TRABD2B: variants seen among roughly 807,000 people sequenced by gnomAD.
The protein encoded by TRABD2B is TraB domain containing 2B.
Under a neutral mutation model 40.1 loss-of-function variants are expected in TRABD2B, and 14 were observed. The ratio of observed to expected loss-of-function variants is 0.35; its 90% CI spans 0.23 to 0.55. TRABD2B has a LOEUF of 0.55. Among genes scored for constraint, TRABD2B ranks in the 20% least tolerant of loss-of-function variants. TRABD2B has a pLI of 0.90. For missense variants in TRABD2B, 541 were observed against 648.6 expected (o/e 0.83, Z 1.80); for synonymous variants, 263 against 277.0 (o/e 0.95, Z 0.50).
chr1:47,865,419 T>A (rs1025755079), intron 2 of TRABD2B, among the ~76,000 whole-genome samples: 4 of 152,088 alleles, frequency 2.6e-5, no homozygotes, highest in Non-Finnish European at 5.9e-5. Flanking sequence ...CACTGGGATA[T>A]GGGGCCTGCT....
intron 2 of TRABD2B, among the ~76,000 whole-genome samples, chr1:47,915,406 A>C (rs72898150): frequency 0.022 from 3,345 of 152,268 alleles, 61 homozygotes; most frequent in South Asian, 0.06. Context: ...ACTTACACTT[A>C]ACAAGTGTAT....
chr1:47,931,986 C>T (rs570453571), intron 2 of TRABD2B, among the ~76,000 whole-genome samples: 25 of 152,266 alleles, frequency 1.6e-4, no homozygotes, highest in Non-Finnish European at 2.8e-4. Context: ...CAGGACTTAA[C>T]GGAGGGTTTT....
At chr1:47,871,448 C>A (rs771981980) in intron 2 of TRABD2B, among the ~76,000 whole-genome samples, 11 of 152,194 alleles carry the variant, frequency 7.2e-5, no homozygotes, top group Non-Finnish European at 1.0e-4. Flanking sequence ...CCAGCCCCCA[C>A]AGCCACCCCG....
At chr1:47,961,524 C>G (rs1310028705) in intron 2 of TRABD2B, among the ~76,000 whole-genome samples, 1 of 152,118 alleles carries the variant, frequency 6.6e-6, no homozygotes, top group Non-Finnish European at 1.5e-5. Flanking sequence ...AAGAAAAAAT[C>G]AAACAACCCC....
intron 2 of TRABD2B, among the ~76,000 whole-genome samples, chr1:47,830,556 G>A (rs1484192312): frequency 3.9e-5 from 6 of 152,224 alleles, no homozygotes; most frequent in Non-Finnish European, 8.8e-5. Context: ...TCCCTGCTTT[G>A]CACATCTTTG....
rs1240632249 is a variant in TRABD2B, at chr1:47,968,661, G to A, written c.666+25373C>T. 2.0e-5 allele frequency among the ~76,000 whole-genome samples: 3 copies of A among 152,304 alleles called. No homozygotes were observed. The East Asian group carries it at 5.8e-4, about 29-fold the overall frequency. On this transcript the variant is annotated intron_variant, in intron 2 of 6. Transcript: ENST00000606738. ...GCTCCAGCAATGGTTAGGGTTCATA[G>A]GCTGCTCTAACTACATCAAACAAGA...
In TRABD2B at chr1:47,997,050, G is replaced by C; in HGVS notation, c.-261C>G. 1.0e-6 allele frequency: 1 copy of C among 984,872 alleles called. No homozygotes were observed. The highest frequency in any genetic ancestry group is 1.2e-6 in the Non-Finnish European group (1 of 829,760). 61.0% of individuals were successfully genotyped at this position (984,872 alleles called of 1,614,324 possible). A position where few individuals can be genotyped will look rare whatever the true frequency, so the allele number is the denominator to read the frequency against. On this transcript the variant is annotated 5_prime_UTR_variant, in exon 1 of 7. Coordinates refer to ENST00000606738, the MANE Select transcript of TRABD2B (RefSeq NM_001194986.2). The stretch of plus-strand genomic sequence containing the variant: ...TCAACCTCGCTGGCCGAGCCCCCGG[G>C]TGCTGAGGGCGTGTTGGGGTCCGGG...
chr1:47,989,759 CACACACACACACACAA>C (rs1353642726), intron 2 of TRABD2B, among the ~76,000 whole-genome samples: 4 of 151,644 alleles, frequency 2.6e-5, no homozygotes, highest in South Asian at 4.2e-4. Context: ...AACACACACA[CACACACACACACACAA>C]ACACACACAC....
At chr1:47,935,642 T>TTAAA (rs978702456) in intron 2 of TRABD2B, among the ~76,000 whole-genome samples, 71 of 152,320 alleles carry the variant, frequency 4.7e-4, no homozygotes, top group African/African-American at 1.6e-3. Context: ...AAGATAGGAC[T>TTAAA]GCAGGAAAAA....
At chr1:47,859,775 T>C (rs1443377663) in intron 2 of TRABD2B, among the ~76,000 whole-genome samples, 1 of 152,226 alleles carries the variant, frequency 6.6e-6, no homozygotes, top group African/African-American at 2.4e-5. Flanking sequence ...ATGAAGTCCT[T>C]AGCACCTTCC....
At chr1:47,766,755 G>A (rs1644309438) in intron 6 of TRABD2B, among the ~76,000 whole-genome samples, 1 of 152,188 alleles carries the variant, frequency 6.6e-6, no homozygotes, top group Admixed American at 6.5e-5. Flanking sequence ...AGTGGGAGTG[G>A]GACGCCATGA....
chr1:47,841,338 A>G (rs1645393563), intron 2 of TRABD2B, among the ~76,000 whole-genome samples: 1 of 152,208 alleles, frequency 6.6e-6, no homozygotes, highest in African/African-American at 2.4e-5. Flanking sequence ...CACACATACC[A>G]GATGTTGCAG....
In TRABD2B at chr1:47,923,218, C is replaced by T. The variant is rs534212469; in HGVS notation, c.666+70816G>A. ...CCTTGGTCTCAGGCCACGCCCCATG[C>T]CAGTCATTCTTACATGCTCTGTACT... is the stretch of plus-strand genomic sequence containing the variant. On this transcript the variant is annotated intron_variant, in intron 2 of 6. Coordinates refer to ENST00000606738, the MANE Select transcript of TRABD2B (RefSeq NM_001194986.2). Among the ~76,000 whole-genome samples the T allele has an allele frequency of 2.0e-5, 3 of 152,334 alleles. No individual in the cohort carries two copies. In the South Asian group the frequency reaches 6.2e-4, roughly 32 times the overall value.
chr1:47,797,485 C>CCCCT (rs1644763993), intron 3 of TRABD2B, among the ~76,000 whole-genome samples: 1 of 152,168 alleles, frequency 6.6e-6, no homozygotes, highest in Non-Finnish European at 1.5e-5. Flanking sequence ...ACGGGTCCAG[C>CCCCT]CCCTCCTCCT....
chr1:47,993,863 A>C (rs1022609646), intron 2 of TRABD2B, among the ~76,000 whole-genome samples, 171 bp downstream of exon 2: 1 of 152,210 alleles, frequency 6.6e-6, no homozygotes, highest in South Asian at 2.1e-4. Flanking sequence ...CTCTCAACTG[A>C]TACCACCAGA....
At chr1:47,939,918 A>G (rs921543481) in intron 2 of TRABD2B, among the ~76,000 whole-genome samples, 1 of 151,914 alleles carries the variant, frequency 6.6e-6, no homozygotes, top group Non-Finnish European at 1.5e-5. Flanking sequence ...TCCCTCCCAC[A>G]CTGAATCCAG....
chr1:47,995,072 AG>A, intron 1 of TRABD2B, among the ~76,000 whole-genome samples: 1 of 152,300 alleles, frequency 6.6e-6, no homozygotes, highest in South Asian at 2.1e-4. Flanking sequence ...TGGGGAAAGG[AG>A]GACCAAGAGT....
At chr1:47,807,242 GCCTGGAATGATTGAT>G (rs1421088249) in intron 2 of TRABD2B, among the ~76,000 whole-genome samples, 4 of 152,198 alleles carry the variant, frequency 2.6e-5, no homozygotes, top group Non-Finnish European at 5.9e-5. Flanking sequence ...TTACTATGCT[GCCTGGAATGATTGAT>G]CCTGACTACC....
At chr1:47,948,717 G>A (rs1011829802) in intron 2 of TRABD2B, among the ~76,000 whole-genome samples, 5 of 152,118 alleles carry the variant, frequency 3.3e-5, no homozygotes, top group Non-Finnish European at 2.9e-5. Flanking sequence ...CGTCCCAAGT[G>A]ACAAATAAGA....
Sources: gnomAD v4.1 joint callset for allele counts (sites outside exome capture counted in the v4.1 genomes callset) on GRCh38, gnomAD v4.1.1 for gene constraint, MANE v1.5 for transcripts, NCBI Gene and HGNC (gene_info 2026-07-23, HGNC 2026-07-21) for gene names.